DNAH7: variants seen among roughly 807,000 people sequenced by gnomAD.
The protein encoded by DNAH7 is axonemal beta dynein heavy chain 7.
DNAH7 carries 397 observed loss-of-function variants against 444.6 expected under a neutral mutation model. That is an observed-to-expected ratio of 0.89 (90% CI 0.82 to 0.97). DNAH7 has a LOEUF of 0.97. DNAH7 is among the 50% of genes least tolerant of loss of function. The probability of loss-of-function intolerance (pLI) is 0.00; values close to 1 mark genes in which losing one functional copy is unlikely to be tolerated. For synonymous variants in DNAH7, 1,636 were observed against 1,624.4 expected, an observed-to-expected ratio of 1.01 and a Z score of -0.17; for missense variants, 4,902 against 4,800.8, an observed-to-expected ratio of 1.02 and a Z score of -0.62.
intron 18 of DNAH7, 110 bp downstream of exon 18, chr2:195,960,150 A>G (rs1322657385): frequency 1.1e-6 from 1 of 882,490 alleles, no homozygotes. Context: ...AAGAAATAAA[A>G]TATTAAGTAT....
chr2:195,790,325 T>C (rs1175360191), intron 57 of DNAH7, among the ~76,000 whole-genome samples: 1 of 152,096 alleles, frequency 6.6e-6, no homozygotes, highest in Non-Finnish European at 1.5e-5. Flanking sequence ...AAAAAATTAA[T>C]TCTACAACTC....
At chr2:195,957,929 A>G (rs1466545462) in intron 18 of DNAH7, among the ~76,000 whole-genome samples, 1 of 152,098 alleles carries the variant, frequency 6.6e-6, no homozygotes, top group Non-Finnish European at 1.5e-5. Context: ...ATTCCCAATC[A>G]AGGGTACTCT....
chr2:195,833,530 T>C (rs1698172024), intron 48 of DNAH7, among the ~76,000 whole-genome samples: 1 of 152,220 alleles, frequency 6.6e-6, no homozygotes, highest in African/African-American at 2.4e-5. Flanking sequence ...CTTACCTTTA[T>C]TTGGCCATGT....
intron 35 of DNAH7, among the ~76,000 whole-genome samples, chr2:195,884,175 G>A (rs1363472402): frequency 6.6e-6 from 1 of 152,176 alleles, no homozygotes; most frequent in East Asian, 1.9e-4. Context: ...ATCCGTTTGG[G>A]AAGCACTGAA....
At chr2:196,018,895 T>C (rs1048049402) in intron 9 of DNAH7, among the ~76,000 whole-genome samples, 5 of 152,124 alleles carry the variant, frequency 3.3e-5, no homozygotes, top group African/African-American at 1.2e-4. Context: ...TGATTATTAA[T>C]CATTGCATGC....
At chr2:196,039,561 G>A (rs1265876165) in intron 5 of DNAH7, among the ~76,000 whole-genome samples, 1 of 152,156 alleles carries the variant, frequency 6.6e-6, no homozygotes, top group Non-Finnish European at 1.5e-5. Context: ...ACTTTGGGAA[G>A]CCAAGGCAGC....
rs1371279727 is a variant in DNAH7 at position 195,794,354 on chromosome 2, C to T, written c.10700G>A (p.Gly3567Asp). 1 of 1,614,068 alleles carries T rather than the reference C, an allele frequency of 6.2e-7. No individual in the cohort carries two copies. The change falls in exon 57 of 65, where the codon GGC (glycine) becomes GAC (aspartate). Residue 3567 changes from glycine (G) to aspartate (D), a missense_variant. Physicochemically the swap from Gly to Asp is moderately conservative, Grantham distance 94. Transcript: ENST00000312428. ...ATTACTAACAGGCTTTTTGCAGCTG[C>T]CAAAGAACTCCGGATCAGAGATCGG... ...MDPISDPEFF[G>D]SCKKPEEFKK...
chr2:195,911,565 C>T (rs72915190), intron 24 of DNAH7, among the ~76,000 whole-genome samples: 3,450 of 152,162 alleles, frequency 0.023, 62 homozygotes, highest in South Asian at 0.036. Flanking sequence ...AGTAACTTTA[C>T]AGTGAACATC....
intron 18 of DNAH7, among the ~76,000 whole-genome samples, chr2:195,958,492 CTG>C (rs1277562564): frequency 6.6e-6 from 1 of 152,102 alleles, no homozygotes; most frequent in Non-Finnish European, 1.5e-5. Flanking sequence ...AGGTTTTCAA[CTG>C]TGTGGGGGGT....
At chr2:196,041,904 T>G (rs1475405596) in intron 5 of DNAH7, among the ~76,000 whole-genome samples, 7 of 151,826 alleles carry the variant, frequency 4.6e-5, no homozygotes, top group Non-Finnish European at 1.0e-4. Context: ...GGGCAAATGA[T>G]CCAAATAGAT....
At chr2:195,881,700 C>T in intron 36 of DNAH7, 95 bp downstream of exon 36, 1 of 1,320,120 alleles carries the variant, frequency 7.6e-7, no homozygotes, top group Non-Finnish European at 1.0e-6. Flanking sequence ...CATCAAAGTA[C>T]TTGAGTATTT....
chr2:195,886,910 G>A (rs116297085), intron 33 of DNAH7, among the ~76,000 whole-genome samples: 2,643 of 152,200 alleles, frequency 0.017, 82 homozygotes, highest in African/African-American at 0.061. Context: ...TGATTAACAA[G>A]TAAAAATTAA....
intron 35 of DNAH7, among the ~76,000 whole-genome samples, chr2:195,882,964 T>A (rs1388719732): frequency 6.6e-6 from 1 of 152,212 alleles, no homozygotes; most frequent in African/African-American, 2.4e-5. Flanking sequence ...CATTCTTGTA[T>A]CTTCAGGTAC....
At chr2:195,782,006 C>CACAG (rs1695406780) in intron 58 of DNAH7, among the ~76,000 whole-genome samples, 2 of 151,260 alleles carry the variant, frequency 1.3e-5, no homozygotes, top group Admixed American at 1.3e-4. Flanking sequence ...CACACACACA[C>CACAG]ACACACACAC....
intron 63 of DNAH7, among the ~76,000 whole-genome samples, chr2:195,742,895 T>C (rs1220487362): frequency 1.3e-5 from 2 of 152,216 alleles, no homozygotes; most frequent in Non-Finnish European, 2.9e-5. Context: ...GGTTGAAGTA[T>C]GCAAAATATT....
intron 42 of DNAH7, among the ~76,000 whole-genome samples, chr2:195,859,545 T>C (rs1045405731): frequency 6.6e-5 from 10 of 152,130 alleles, no homozygotes; most frequent in Admixed American, 5.2e-4. Context: ...TGTCTCCAAG[T>C]AAAAAAATGA....
At chr2:196,034,231 A>C (rs1394978935) in intron 5 of DNAH7, among the ~76,000 whole-genome samples, 1 of 152,214 alleles carries the variant, frequency 6.6e-6, no homozygotes, top group Admixed American at 6.5e-5. Context: ...ACAAGCAAAA[A>C]TCAATTGATT....
Position 196,064,989 on chromosome 2 carries a change from A to G in DNAH7, c.15+3708T>C, listed in dbSNP as rs1461862048. ...ATATGTAACATAAATATATATGTGC[A>G]TCTCTGTTTTGTCCCTTTAATTCCA... On this transcript the variant is annotated intron_variant, in intron 1 of 64. Coordinates refer to ENST00000312428, the MANE Select transcript of DNAH7 (RefSeq NM_018897.3). 2.0e-5 allele frequency among the ~76,000 whole-genome samples: 3 copies of G among 152,300 alleles called. No individual in the cohort carries two copies. In the East Asian group the frequency reaches 5.8e-4, roughly 29 times the overall value.
chr2:196,005,932 CACA>C (rs1220477390), intron 10 of DNAH7, among the ~76,000 whole-genome samples: 5 of 149,940 alleles, frequency 3.3e-5, no homozygotes, highest in Admixed American at 3.3e-4. Context: ...CACACACACA[CACA>C]AAAACTACAG....
Sources: allele counts gnomAD v4.1 joint callset (sites outside exome capture counted in the v4.1 genomes callset), GRCh38; gene constraint gnomAD v4.1.1; transcripts MANE v1.5; gene names NCBI Gene and HGNC (gene_info 2026-07-23, HGNC 2026-07-21).